Variants in DTD1 observed in about 807,000 individuals in gnomAD.
DTD1 encodes the protein D-tyrosyl-tRNA deacylase 1 homolog.
In DTD1, 13 loss-of-function variants were observed where a neutral mutation model predicts 25.6. That is an observed-to-expected ratio of 0.51 (90% CI 0.33 to 0.81). The LOEUF is 0.81. Among genes scored for constraint, DTD1 ranks in the 30% least tolerant of loss-of-function variants. The pLI is 0.02. For missense variants in DTD1, 193 were observed against 266.4 expected (o/e 0.72, Z 1.92); for synonymous variants, 110 against 103.6 (o/e 1.06, Z -0.37).
At chr20:18,696,456 G>C (rs1311944917) in intron 4 of DTD1, among the ~76,000 whole-genome samples, 1 of 152,184 alleles carries the variant, frequency 6.6e-6, no homozygotes, top group Non-Finnish European at 1.5e-5. Context: ...CATGATGGAT[G>C]CTCAGATTAG....
chr20:18,750,006 G>A (rs1490942664), intron 5 of DTD1, among the ~76,000 whole-genome samples: 2 of 152,120 alleles, frequency 1.3e-5, no homozygotes, highest in Non-Finnish European at 2.9e-5. Context: ...TCTTCTTTAC[G>A]TCAGGGTCAG....
intron 4 of DTD1, among the ~76,000 whole-genome samples, chr20:18,642,009 A>T (rs1387484613): frequency 1.3e-5 from 2 of 152,162 alleles, no homozygotes; most frequent in Non-Finnish European, 2.9e-5. Flanking sequence ...TTACATTTAG[A>T]TATTTGATCC....
intron 4 of DTD1, among the ~76,000 whole-genome samples, chr20:18,651,926 A>C (rs1449711555): frequency 6.6e-6 from 1 of 152,208 alleles, no homozygotes; most frequent in African/African-American, 2.4e-5. Context: ...CACTTATTTA[A>C]AGTGGACAGA....
intron 4 of DTD1, chr20:18,632,216 T>C (rs1258150929): frequency 1.0e-6 from 1 of 985,436 alleles, no homozygotes; most frequent in African/African-American, 1.7e-5. Flanking sequence ...TAACGAGCCA[T>C]GTTAACTTAT....
At chr20:18,600,943 G>T (rs1260486402) in intron 3 of DTD1, among the ~76,000 whole-genome samples, 1 of 152,158 alleles carries the variant, frequency 6.6e-6, no homozygotes, top group Non-Finnish European at 1.5e-5. Flanking sequence ...GTATCCTGCA[G>T]TCTTGCTGTA....
chr20:18,617,783 G>C (rs2060714997), intron 3 of DTD1, among the ~76,000 whole-genome samples: 1 of 151,884 alleles, frequency 6.6e-6, no homozygotes, highest in East Asian at 1.9e-4. Context: ...TATACAAAAG[G>C]TATGATGTGA....
chr20:18,612,338 C>T (rs2060690779), intron 3 of DTD1, among the ~76,000 whole-genome samples: 1 of 152,086 alleles, frequency 6.6e-6, no homozygotes. Flanking sequence ...CTGGCCCACA[C>T]ATGTTTATTA....
chr20:18,601,720 G>C (rs889355908), intron 3 of DTD1, among the ~76,000 whole-genome samples: 1 of 151,930 alleles, frequency 6.6e-6, no homozygotes, highest in African/African-American at 2.4e-5. Context: ...GGTCCTGTCT[G>C]TTAGAAGAAA....
intron 4 of DTD1, among the ~76,000 whole-genome samples, chr20:18,685,576 C>T (rs116330422): frequency 0.012 from 1,759 of 152,278 alleles, 12 homozygotes; most frequent in African/African-American, 0.016. Context: ...ATGGCAGACA[C>T]GTGGGTGACC....
intron 4 of DTD1, among the ~76,000 whole-genome samples, chr20:18,653,838 C>T (rs1275948337): frequency 6.6e-6 from 1 of 152,168 alleles, no homozygotes; most frequent in Non-Finnish European, 1.5e-5. Context: ...AATAAAAACA[C>T]ATTTGAGAAC....
intron 4 of DTD1, among the ~76,000 whole-genome samples, chr20:18,658,250 T>G (rs1181758766): frequency 3.3e-5 from 5 of 150,624 alleles, no homozygotes; most frequent in African/African-American, 1.2e-4. Context: ...CTGTGTGTTG[T>G]TGTTGTTGTT....
intron 4 of DTD1, among the ~76,000 whole-genome samples, chr20:18,704,023 C>T (rs1277018388): frequency 3.6e-5 from 5 of 138,814 alleles, no homozygotes; most frequent in African/African-American, 8.3e-5. Context: ...TTTTTTGAGA[C>T]GGAGTCTCGC....
intron 4 of DTD1, among the ~76,000 whole-genome samples, chr20:18,629,296 C>CT (rs35174616): frequency 0.028 from 1,925 of 69,168 alleles, 150 homozygotes; most frequent in African/African-American, 0.048. Flanking sequence ...TGTGCTCGGC[C>CT]TTTTTTTTTT....
chr20:18,625,247 C>G (rs1209197155), intron 3 of DTD1, among the ~76,000 whole-genome samples: 1 of 152,200 alleles, frequency 6.6e-6, no homozygotes, highest in African/African-American at 2.4e-5. Flanking sequence ...AGGCCTAGCC[C>G]TCAAACTGTG....
intron 4 of DTD1, among the ~76,000 whole-genome samples, chr20:18,692,383 C>T (rs62217003): frequency 1.3e-5 from 2 of 152,380 alleles, no homozygotes; most frequent in South Asian, 4.1e-4. Flanking sequence ...CTCTCTGTAT[C>T]TCTGCTTCCT....
chr20:18,762,151 A>G (rs893431250), intron 5 of DTD1, among the ~76,000 whole-genome samples: 1 of 152,200 alleles, frequency 6.6e-6, no homozygotes, highest in Admixed American at 6.5e-5. Flanking sequence ...CTTGTGATAC[A>G]ACCCTTTCTT....
chr20:18,617,978 C>T (rs2060715923), intron 3 of DTD1, among the ~76,000 whole-genome samples: 1 of 151,972 alleles, frequency 6.6e-6, no homozygotes, highest in South Asian at 2.1e-4. Context: ...TTTAATAGAT[C>T]TTGTATTGTT....
In DTD1 at chr20:18,599,006, G is replaced by A. The variant is rs75678688; in HGVS notation, c.370+2765G>A. ...TTTGACTTAGTAGTATGCATTTAACGTTTCTCTTTTCATGGCTTAATAGCT... is the reference window on the plus strand; with the variant it reads ...TTTGACTTAGTAGTATGCATTTAACATTTCTCTTTTCATGGCTTAATAGCT... On this transcript the variant is annotated intron_variant, in intron 3 of 5. Transcript: ENST00000377452. 6.4e-3 allele frequency among the ~76,000 whole-genome samples: 976 copies of A among 151,966 alleles called. 7 individuals carry two copies. The highest frequency in any genetic ancestry group is 0.022 in the African/African-American group (902 of 41,450).
intron 5 of DTD1, among the ~76,000 whole-genome samples, chr20:18,746,825 T>C (rs2061302215): frequency 6.6e-6 from 1 of 152,040 alleles, no homozygotes; most frequent in African/African-American, 2.4e-5. Context: ...TCATAGACAG[T>C]TTTAGGGGAG....
Sources: allele counts gnomAD v4.1 joint callset (sites outside exome capture counted in the v4.1 genomes callset), GRCh38; gene constraint gnomAD v4.1.1; transcripts MANE v1.5; gene names NCBI Gene and HGNC (gene_info 2026-07-23, HGNC 2026-07-21).